Variants in DSCAM observed in about 807,000 individuals in gnomAD.
DSCAM encodes cell adhesion molecule DSCAM.
Under a neutral mutation model 217.7 loss-of-function variants are expected in DSCAM, and 47 were observed. The observed-to-expected ratio is 0.22, with a 90% confidence interval of 0.17 to 0.28. The LOEUF is 0.28. DSCAM is among the 10% of genes least tolerant of loss of function. The pLI is 1.00. For synonymous variants in DSCAM, 1,056 were observed against 1,015.3 expected (o/e 1.04, Z -0.76); for missense variants, 2,080 against 2,618.3 (o/e 0.79, Z 4.49).
chr21:40,805,574 C>A (rs1026949314), intron 1 of DSCAM, among the ~76,000 whole-genome samples: 1 of 152,214 alleles, frequency 6.6e-6, no homozygotes, highest in African/African-American at 2.4e-5. Context: ...TACGCCATGA[C>A]CCCTTGACCC....
intron 27 of DSCAM, 148 bp downstream of exon 27, chr21:40,074,889 G>T: frequency 1.4e-6 from 1 of 740,144 alleles, no homozygotes; most frequent in Non-Finnish European, 2.1e-6. Context: ...CTCGCTGAAG[G>T]AATGTCAGAG....
chr21:40,385,916 C>G (rs190935947), intron 3 of DSCAM, among the ~76,000 whole-genome samples: 2 of 152,248 alleles, frequency 1.3e-5, no homozygotes, highest in Admixed American at 6.5e-5. Context: ...GCTAGGAATA[C>G]AAGGTATCTT....
intron 3 of DSCAM, among the ~76,000 whole-genome samples, chr21:40,450,697 T>C (rs767375576): frequency 1.3e-5 from 2 of 152,244 alleles, no homozygotes; most frequent in Non-Finnish European, 2.9e-5. Flanking sequence ...ACAGGGTCTA[T>C]GTTACATATG....
intron 3 of DSCAM, among the ~76,000 whole-genome samples, chr21:40,532,902 GTGTGTGTGCA>G (rs1414433649): frequency 9.0e-5 from 12 of 133,186 alleles, no homozygotes; most frequent in South Asian, 4.9e-4. Flanking sequence ...GTGTGTGTGT[GTGTGTGTGCA>G]CACGCACGCG....
In DSCAM at chr21:40,124,275, A is replaced by C; in HGVS notation, c.3616T>G (p.Phe1206Val). ...TTGAGAGGGGGAAGCCAGGACACAAAGACCATGGAGGCTGAGGCCGCCGCT... is the reference window on the plus strand; with the variant it reads ...TTGAGAGGGGGAAGCCAGGACACAACGACCATGGAGGCTGAGGCCGCCGCT... ...KAAAASASMV[F>V]VSWLPPLKLN... The change falls in exon 20 of 33, where the codon TTT (phenylalanine) becomes GTT (valine). Residue 1206 changes from phenylalanine to valine, a missense_variant. Phe to Val is a conservative substitution (Grantham distance 50). This residue lies in a region of DSCAM where 1,144 missense variants were observed against 1,421.1 expected (regional missense o/e 0.81). Transcript: ENST00000400454. The C allele has an allele frequency of 6.2e-7, 1 of 1,614,010 alleles. No homozygotes were observed. The highest frequency in any genetic ancestry group is 8.5e-7 in the Non-Finnish European group (1 of 1,180,016).
intron 11 of DSCAM, among the ~76,000 whole-genome samples, chr21:40,205,835 T>C (rs189258468): frequency 2.0e-5 from 3 of 152,250 alleles, no homozygotes; most frequent in African/African-American, 4.8e-5. Context: ...CATTCAAGGA[T>C]AGTAAATAAT....
chr21:40,762,490 A>G (rs1170499538), intron 1 of DSCAM, among the ~76,000 whole-genome samples: 1 of 152,226 alleles, frequency 6.6e-6, no homozygotes, highest in Non-Finnish European at 1.5e-5. Context: ...CAACCAAAAA[A>G]GCCCAGGACC....
intron 3 of DSCAM, among the ~76,000 whole-genome samples, chr21:40,432,728 G>A (rs1367800051): frequency 1.3e-5 from 2 of 152,244 alleles, no homozygotes; most frequent in South Asian, 4.1e-4. Flanking sequence ...AAAGTAGTCA[G>A]TGCCCTTCAT....
At chr21:40,288,004 C>T (rs2073848449) in intron 10 of DSCAM, among the ~76,000 whole-genome samples, 1 of 152,188 alleles carries the variant, frequency 6.6e-6, no homozygotes, top group African/African-American at 2.4e-5. Context: ...AATAGAGTCA[C>T]ACACCATTGC....
At chr21:40,563,711 G>T (rs1350776835) in intron 3 of DSCAM, among the ~76,000 whole-genome samples, 1 of 113,360 alleles carries the variant, frequency 8.8e-6, no homozygotes. Context: ...TGTGTATATA[G>T]TTATGTTTAT....
intron 3 of DSCAM, among the ~76,000 whole-genome samples, chr21:40,572,102 GT>G (rs1339832844): frequency 2.0e-5 from 3 of 151,832 alleles, no homozygotes; most frequent in African/African-American, 7.3e-5. Context: ...GTGTGTGTGT[GT>G]GTGTGTGTGT....
chr21:40,053,316 G>T (rs1339898231), intron 29 of DSCAM, among the ~76,000 whole-genome samples: 1 of 152,246 alleles, frequency 6.6e-6, no homozygotes, highest in Admixed American at 6.5e-5. Flanking sequence ...CCTGGGCTTG[G>T]CTTGGAGGTC....
chr21:40,266,424 C>T (rs2073528394), intron 11 of DSCAM, among the ~76,000 whole-genome samples: 1 of 151,834 alleles, frequency 6.6e-6, no homozygotes, highest in Non-Finnish European at 1.5e-5. Context: ...AGCACAATCT[C>T]TACAGAAAAC....
chr21:40,780,571 T>A (rs4818175), intron 1 of DSCAM, among the ~76,000 whole-genome samples: 99,999 of 151,336 alleles, frequency 0.66, 33,534 homozygotes, highest in South Asian at 0.8. Flanking sequence ...AATCCCCAGT[T>A]GCTCAGAATG....
intron 3 of DSCAM, among the ~76,000 whole-genome samples, chr21:40,670,975 G>C (rs1033072708): frequency 6.6e-6 from 1 of 152,102 alleles, no homozygotes; most frequent in Non-Finnish European, 1.5e-5. Flanking sequence ...AAAAAATATT[G>C]TAATCAGATT....
intron 2 of DSCAM, among the ~76,000 whole-genome samples, chr21:40,708,029 T>A (rs566195605): frequency 6.6e-6 from 1 of 152,306 alleles, no homozygotes; most frequent in African/African-American, 2.4e-5. Flanking sequence ...TAACAGTACA[T>A]CTTGATGCTA....
intron 9 of DSCAM, among the ~76,000 whole-genome samples, chr21:40,309,422 T>C (rs984602937): frequency 1.3e-5 from 2 of 152,178 alleles, no homozygotes; most frequent in Non-Finnish European, 2.9e-5. Flanking sequence ...ATTTTGCTTC[T>C]AGAGTGCCAC....
At position 40,570,584 on chromosome 21, in the gene DSCAM, T is replaced by C. The variant is rs142284966; in HGVS notation, c.508+122226A>G. ...GAAACAAATATGGAAATGGCCCAGA[T>C]GTTTGATTTATCACTCAGGAACTTT... On this transcript the variant is annotated intron_variant, in intron 3 of 32. Transcript: ENST00000400454. 1.2e-3 allele frequency among the ~76,000 whole-genome samples: 187 copies of C among 152,358 alleles called. 3 individuals carry two copies. In the East Asian group the frequency reaches 0.03, roughly 25 times the overall value.
At chr21:40,728,843 G>A (rs1265543530) in intron 1 of DSCAM, among the ~76,000 whole-genome samples, 1 of 152,146 alleles carries the variant, frequency 6.6e-6, no homozygotes, top group Admixed American at 6.5e-5. Context: ...ACTGCACTAG[G>A]TGAGAAGTCA....
Sources: allele counts gnomAD v4.1 joint callset (sites outside exome capture counted in the v4.1 genomes callset), GRCh38; gene constraint gnomAD v4.1.1; regional missense constraint gnomAD v4.1.1; transcripts MANE v1.5; gene names NCBI Gene and HGNC (gene_info 2026-07-23, HGNC 2026-07-21).